MCMBP: variants seen among roughly 807,000 people sequenced by gnomAD.
The protein encoded by MCMBP is mini-chromosome maintenance complex-binding protein.
Under a neutral mutation model 81.3 loss-of-function variants are expected in MCMBP, and 31 were observed. The observed-to-expected ratio is 0.38, with a 90% CI of 0.29 to 0.51. The LOEUF is 0.51. Among genes scored for constraint, MCMBP ranks in the 20% least tolerant of loss-of-function variants. The pLI is 0.87. For synonymous variants in MCMBP, 267 were observed against 275.9 expected, an observed-to-expected ratio of 0.97 and a Z score of 0.32; for missense variants, 645 against 772.1, an observed-to-expected ratio of 0.84 and a Z score of 1.95.
intron 5 of MCMBP, 73 bp from the exon 6 acceptor site, chr10:119,853,267 A>AC: frequency 6.8e-7 from 1 of 1,461,224 alleles, no homozygotes; most frequent in Non-Finnish European, 9.3e-7. Flanking sequence ...TATATGACTT[A>AC]TAAAAAATTA....
chr10:119,852,285 A>G (rs1452485105), intron 6 of MCMBP, among the ~76,000 whole-genome samples: 1 of 151,840 alleles, frequency 6.6e-6, no homozygotes, highest in African/African-American at 2.4e-5. Flanking sequence ...AGGGAAGTGG[A>G]TAGCACATAC....
intron 10 of MCMBP, among the ~76,000 whole-genome samples, chr10:119,841,555 T>C (rs1852433412): frequency 6.6e-6 from 1 of 152,204 alleles, no homozygotes; most frequent in Admixed American, 6.5e-5. Flanking sequence ...TTAATATATA[T>C]CAACTGCTGA....
chr10:119,873,410 G>A (rs1305662600), upstream of MCMBP: 2 of 152,168 alleles, frequency 1.3e-5, no homozygotes, highest in African/African-American at 4.8e-5. Context: ...CAGGCCCTGT[G>A]GCTCAGGGAC....
Position 119,832,013 on chromosome 10 carries a change from G to T in MCMBP, c.1795C>A (p.Arg599=), listed in dbSNP as rs775974076. ...CAATAATGGACGTGCGCCACTTACC[G>T]AGCCACCACGAGCAGCTGGTGAAGA... ...DDLHQLLVVA[R]CLSLSAGQTT... is the part of the protein sequence containing the mutation. Residue 599 remains arginine, a splice_region_variant and synonymous_variant, in exon 15 of 16, where the codon CGG becomes AGG. Coordinates refer to ENST00000369077, the MANE Select transcript of MCMBP (RefSeq NM_001256378.2). 6.2e-7 allele frequency: 1 copy of T among 1,608,786 alleles called. No individual in the cohort carries two copies. The highest frequency in any genetic ancestry group is 1.1e-5 in the South Asian group (1 of 90,218).
rs373346196 is a variant in MCMBP, at chr10:119,854,994, A to G, written c.430-1800T>C. Reference sequence around the variant, plus strand: ...AAAATAAAATAAAATCATAATCATAATAATATCGCTAAAGGAAATGATGCC... The same window carrying G: ...AAAATAAAATAAAATCATAATCATAGTAATATCGCTAAAGGAAATGATGCC... On this transcript the variant is annotated intron_variant, in intron 5 of 15. Coordinates refer to ENST00000369077, the MANE Select transcript of MCMBP (RefSeq NM_001256378.2). Among the ~76,000 whole-genome samples, 572 of 152,018 alleles carry G rather than the reference A, an allele frequency of 3.8e-3. 2 individuals carry two copies. The highest frequency in any genetic ancestry group is 0.013 in the African/African-American group (550 of 41,526).
intron 13 of MCMBP, 73 bp from the exon 14 acceptor site, chr10:119,835,777 ATC>A (rs1027075490): frequency 2.0e-6 from 3 of 1,469,834 alleles, no homozygotes; most frequent in Non-Finnish European, 1.9e-6. Flanking sequence ...AAGATGCATC[ATC>A]TCTGTCAGCC....
intron 5 of MCMBP, among the ~76,000 whole-genome samples, chr10:119,854,651 G>A (rs917930446): frequency 6.6e-6 from 1 of 151,702 alleles, no homozygotes; most frequent in African/African-American, 2.4e-5. Flanking sequence ...CAACAGATCT[G>A]TATTTAAAAA....
chr10:119,829,839 A>C lies in MCMBP; in HGVS notation c.*1635T>G, dbSNP rs777952213. 3.3e-5 allele frequency: 5 copies of C among 152,198 alleles called. No homozygotes were observed. Among genetic ancestry groups the C allele is most frequent in the African/African-American group, 7.2e-5 (3 of 41,440 alleles). 9.4% of individuals were successfully genotyped at this position (152,198 alleles called of 1,614,324 possible). ...TTATTGGAAAGGTTCTTTCAAGGGA[A>C]CTTTTCTGCAAGACCAAGCAATGTA... On this transcript the variant is annotated 3_prime_UTR_variant, in exon 16 of 16. Coordinates refer to ENST00000369077, the MANE Select transcript of MCMBP (RefSeq NM_001256378.2).
rs369987403 is a variant in MCMBP at position 119,857,329 on chromosome 10, A to G, written c.429+9T>C. 29 of 1,582,024 alleles carry G rather than the reference A, an allele frequency of 1.8e-5. No homozygotes were observed. The highest frequency in any genetic ancestry group is 3.4e-5 in the Admixed American group (2 of 58,250). ...ATCAACACAGTAAGAAAGTTCAGAT[A>G]AAGGATATTTCTTTTACCCACGTAG... On this transcript the variant is annotated intron_variant, in intron 5 of 15. Coordinates refer to ENST00000369077, the MANE Select transcript of MCMBP (RefSeq NM_001256378.2).
At chr10:119,833,586 T>C (rs1389132866) in intron 14 of MCMBP, among the ~76,000 whole-genome samples, 2 of 152,198 alleles carry the variant, frequency 1.3e-5, no homozygotes, top group Admixed American at 6.5e-5. Flanking sequence ...AGAGGATCAC[T>C]TGAGCCCAGC....
chr10:119,852,132 A>G (rs1341588692), intron 6 of MCMBP, among the ~76,000 whole-genome samples: 1 of 142,992 alleles, frequency 7.0e-6, no homozygotes, highest in Non-Finnish European at 1.5e-5. Context: ...AGCCACTGCA[A>G]CAAGAGCGAA....
chr10:119,871,546 T>C (rs1853673244), intron 1 of MCMBP, among the ~76,000 whole-genome samples: 1 of 152,176 alleles, frequency 6.6e-6, no homozygotes, highest in Non-Finnish European at 1.5e-5. Flanking sequence ...GGCCCTCCTA[T>C]AAGAAATACC....
chr10:119,870,077 T>C (rs1051323948), intron 1 of MCMBP, among the ~76,000 whole-genome samples: 8 of 152,252 alleles, frequency 5.3e-5, no homozygotes, highest in East Asian at 1.9e-4. Context: ...CTCTAGATTA[T>C]TGTGACACCT....
At chr10:119,858,975 A>C in intron 3 of MCMBP, 50 bp from the exon 4 acceptor site, 1 of 1,610,088 alleles carries the variant, frequency 6.2e-7, no homozygotes, top group Non-Finnish European at 8.5e-7. Context: ...TATCTGAACC[A>C]AAACTACCAC....
intron 5 of MCMBP, among the ~76,000 whole-genome samples, chr10:119,855,238 A>G (rs1283056818): frequency 3.3e-5 from 5 of 152,238 alleles, no homozygotes; most frequent in Non-Finnish European, 5.9e-5. Flanking sequence ...ATTTTGAATT[A>G]AATGACAGTA....
In MCMBP at chr10:119,840,925, A is replaced by T; in HGVS notation, c.1160T>A (p.Phe387Tyr). ...TGGGCAACCACTCAAGTTAACTGTA[A>T]ATTTTCCTAGTGGAAGGACATCTCT... ...TRRDVLPLGK[F>Y]TVNLSGCPRN... The change falls in exon 11 of 16, where the codon TTT becomes TAT. Residue 387 changes from phenylalanine (F) to tyrosine (Y), a missense_variant. Physicochemically the swap from Phe to Tyr is conservative, Grantham distance 22. Coordinates refer to ENST00000369077, the MANE Select transcript of MCMBP (RefSeq NM_001256378.2). 1.2e-6 allele frequency: 2 copies of T among 1,610,650 alleles called. No individual in the cohort carries two copies. Among genetic ancestry groups the T allele is most frequent in the Non-Finnish European group, 1.7e-6 (2 of 1,178,388 alleles).
At chr10:119,860,796 G>A (rs1026437214) in intron 1 of MCMBP, among the ~76,000 whole-genome samples, 3 of 152,172 alleles carry the variant, frequency 2.0e-5, no homozygotes, top group Admixed American at 2.0e-4. Context: ...TTCCAATCAA[G>A]TATAACCGAA....
chr10:119,865,922 T>C (rs776527551), intron 1 of MCMBP, among the ~76,000 whole-genome samples: 2 of 151,354 alleles, frequency 1.3e-5, no homozygotes, highest in Non-Finnish European at 2.9e-5. Flanking sequence ...CAAAAAATGA[T>C]TTAAAAATTA....
At chr10:119,839,565 G>T (rs1252918834) in intron 11 of MCMBP, among the ~76,000 whole-genome samples, 1 of 152,106 alleles carries the variant, frequency 6.6e-6, no homozygotes, top group Non-Finnish European at 1.5e-5. Context: ...GAGGGCAAAG[G>T]ATCTGTTTCA....
Sources: gnomAD v4.1 joint callset for allele counts (sites outside exome capture counted in the v4.1 genomes callset) on GRCh38, gnomAD v4.1.1 for gene constraint, MANE v1.5 for transcripts, NCBI Gene and HGNC (gene_info 2026-07-23, HGNC 2026-07-21) for gene names.